Variants in FBXL7 observed in about 807,000 individuals in gnomAD.
The protein encoded by FBXL7 is F-box and leucine rich repeat protein 7, also known as F-box/LRR-repeat protein 7.
Under a neutral mutation model 38.3 loss-of-function variants are expected in FBXL7, and 12 were observed. The ratio of observed to expected loss-of-function variants is 0.31; its 90% confidence interval spans 0.20 to 0.51. The LOEUF is 0.51. Ranked by LOEUF, FBXL7 falls within the 20% of genes least tolerant of loss-of-function variation. FBXL7 has a pLI of 0.98. For synonymous variants in FBXL7, 297 were observed against 300.9 expected, an observed-to-expected ratio of 0.99 and a Z score of 0.13; for missense variants, 567 against 676.4, an observed-to-expected ratio of 0.84 and a Z score of 1.79.
intron 1 of FBXL7, among the ~76,000 whole-genome samples, chr5:15,596,593 C>G (rs1739631789): frequency 6.6e-6 from 1 of 152,156 alleles, no homozygotes; most frequent in Non-Finnish European, 1.5e-5. Context: ...CCATATATTC[C>G]TATTCCAAAC....
Position 15,937,766 on chromosome 5 carries a change from G to T in FBXL7, c.*580G>T. 6.5e-6 allele frequency: 1 copy of T among 152,876 alleles called. No homozygotes were observed. The highest frequency in any genetic ancestry group is 1.5e-5 in the Non-Finnish European group (1 of 68,576). 9.5% of individuals were successfully genotyped at this position (152,876 alleles called of 1,614,324 possible). Reference sequence around the variant, plus strand: ...TTTAAAAAATTCATTACAGCAAACAGCTGGGGAAGGACATGCAGTCCTCCC... The same window carrying T: ...TTTAAAAAATTCATTACAGCAAACATCTGGGGAAGGACATGCAGTCCTCCC... On this transcript the variant is annotated 3_prime_UTR_variant, in exon 4 of 4. Transcript: ENST00000504595.
intron 2 of FBXL7, 105 bp from the exon 3 acceptor site, chr5:15,927,785 A>AAAAAAAAAAAAAAAAAAAAAAAT: frequency 1.2e-6 from 1 of 801,038 alleles, no homozygotes; most frequent in Non-Finnish European, 1.7e-6. Context: ...AAAAAAAAAA[A>AAAAAAAAAAAAAAAAAAAAAAAT]AAGAAGAAGA....
At position 15,765,855 on chromosome 5, in the gene FBXL7, TTA is replaced by T. The variant is rs534891908; in HGVS notation, c.127+149787_127+149788del. On this transcript the variant is annotated intron_variant, in intron 2 of 3. Transcript: ENST00000504595. The stretch of plus-strand genomic sequence containing the variant: ...CATCAAGCCCCACCCCCAATAGATC[TTA>T]TATCTGTACCCTGCTCTCCAACCCT... 2.5e-3 allele frequency among the ~76,000 whole-genome samples: 377 copies of T among 152,176 alleles called. 2 individuals carry two copies. Among genetic ancestry groups the T allele is most frequent in the African/African-American group, 8.6e-3 (355 of 41,506 alleles).
At chr5:15,827,519 G>A (rs1738917441) in intron 2 of FBXL7, among the ~76,000 whole-genome samples, 1 of 152,140 alleles carries the variant, frequency 6.6e-6, no homozygotes, top group Non-Finnish European at 1.5e-5. Context: ...TTTAGTCTGG[G>A]AAGTTCAATA....
chr5:15,937,999 G>A lies in FBXL7; in HGVS notation c.*813G>A, dbSNP rs1742248170. On this transcript the variant is annotated 3_prime_UTR_variant, in exon 4 of 4. Coordinates refer to ENST00000504595, the MANE Select transcript of FBXL7 (RefSeq NM_012304.5). ...TCCAGGAGAACTGATTCTGTGGATG[G>A]ATGTGATTTCAGGAGATTGTGCAGT... 1 of 152,246 alleles carries A rather than the reference G, an allele frequency of 6.6e-6. No individual in the cohort carries two copies. The allele number at this position is 152,246 out of a possible 1,614,324, so 9.4% of individuals were successfully genotyped here. A position where few individuals can be genotyped will look rare whatever the true frequency, so the allele number is the denominator to read the frequency against.
chr5:15,833,142 A>C (rs1181526089), intron 2 of FBXL7, among the ~76,000 whole-genome samples: 2 of 152,142 alleles, frequency 1.3e-5, no homozygotes, highest in East Asian at 3.9e-4. Context: ...AGTCTCGGGT[A>C]TGTCTTTATC....
At chr5:15,719,314 T>G (rs915545497) in intron 2 of FBXL7, among the ~76,000 whole-genome samples, 1 of 152,226 alleles carries the variant, frequency 6.6e-6, no homozygotes, top group African/African-American at 2.4e-5. Flanking sequence ...TCCTTTTTCT[T>G]TCACTGACAA....
intron 2 of FBXL7, among the ~76,000 whole-genome samples, chr5:15,926,698 A>T (rs1741884545): frequency 6.6e-6 from 1 of 152,178 alleles, no homozygotes; most frequent in Non-Finnish European, 1.5e-5. Context: ...TATGGCTCAT[A>T]CTATTCAAAT....
intron 2 of FBXL7, among the ~76,000 whole-genome samples, chr5:15,776,451 A>AG (rs1361271861): frequency 6.6e-6 from 1 of 152,132 alleles, no homozygotes; most frequent in Non-Finnish European, 1.5e-5. Context: ...AGGAAAAAAA[A>AG]CATGATCTGG....
At chr5:15,529,805 A>G (rs947128305) in intron 1 of FBXL7, among the ~76,000 whole-genome samples, 2 of 152,170 alleles carry the variant, frequency 1.3e-5, no homozygotes, top group Non-Finnish European at 2.9e-5. Flanking sequence ...TTGCACTAGT[A>G]TGTTGAAGTA....
At chr5:15,665,530 C>T (rs1742242157) in intron 2 of FBXL7, among the ~76,000 whole-genome samples, 1 of 152,118 alleles carries the variant, frequency 6.6e-6, no homozygotes, top group Admixed American at 6.5e-5. Flanking sequence ...TCTCTCATCA[C>T]CAAAGTGGGA....
At chr5:15,622,250 T>TTTTTA (rs1244297111) in intron 2 of FBXL7, among the ~76,000 whole-genome samples, 2 of 151,272 alleles carry the variant, frequency 1.3e-5, no homozygotes, top group African/African-American at 4.8e-5. Flanking sequence ...GGACTTTTCT[T>TTTTTA]TTTTATTTTA....
intron 2 of FBXL7, among the ~76,000 whole-genome samples, chr5:15,651,377 G>A (rs1035342758): frequency 1.3e-5 from 2 of 152,222 alleles, no homozygotes; most frequent in East Asian, 3.9e-4. Flanking sequence ...TTACAAGCGT[G>A]AGCCACTGTG....
At chr5:15,541,206 C>T (rs1205647515) in intron 1 of FBXL7, among the ~76,000 whole-genome samples, 5 of 151,442 alleles carry the variant, frequency 3.3e-5, no homozygotes, top group African/African-American at 1.2e-4. Flanking sequence ...ATGAGACATT[C>T]CTATAAATCA....
intron 2 of FBXL7, among the ~76,000 whole-genome samples, chr5:15,815,942 G>A (rs535301720): frequency 5.3e-5 from 8 of 152,214 alleles, no homozygotes; most frequent in African/African-American, 1.4e-4. Flanking sequence ...TCTCACCAAC[G>A]TGATGCAAAA....
chr5:15,736,519 C>T (rs1278282940), intron 2 of FBXL7, among the ~76,000 whole-genome samples: 5 of 152,156 alleles, frequency 3.3e-5, no homozygotes, highest in Non-Finnish European at 7.3e-5. Context: ...ATCACCCAAT[C>T]TTAAATGTGA....
intron 1 of FBXL7, among the ~76,000 whole-genome samples, chr5:15,539,770 A>G (rs373037946): frequency 1.3e-5 from 2 of 151,820 alleles, no homozygotes; most frequent in African/African-American, 4.8e-5. Context: ...ATAATACTAT[A>G]TTTATTACAG....
chr5:15,767,720 A>G (rs1280637412), intron 2 of FBXL7, among the ~76,000 whole-genome samples: 1 of 152,184 alleles, frequency 6.6e-6, no homozygotes, highest in Non-Finnish European at 1.5e-5. Context: ...ACAATCTTTT[A>G]TTAGTAATAT....
Position 15,840,535 on chromosome 5 carries a change from C to T in FBXL7, c.128-87355C>T, listed in dbSNP as rs189236112. On this transcript the variant is annotated intron_variant, in intron 2 of 3. Transcript: ENST00000504595. ...TTATGATATTGAACATTTTCTGCCT[C>T]GAATATGATAAATATTGCTATTTAA... 1.1e-3 allele frequency among the ~76,000 whole-genome samples: 174 copies of T among 152,140 alleles called. 1 individual carries two copies. The highest frequency in any genetic ancestry group is 3.9e-3 in the African/African-American group (162 of 41,504).
Sources: allele counts gnomAD v4.1 joint callset (sites outside exome capture counted in the v4.1 genomes callset), GRCh38; gene constraint gnomAD v4.1.1; transcripts MANE v1.5; gene names NCBI Gene and HGNC (gene_info 2026-07-23, HGNC 2026-07-21).